The following CYP19A1 variants were observed in gnomAD, a reference collection of about 807,000 sequenced individuals.
CYP19A1 encodes the protein cytochrome P450 family 19 subfamily A member 1.
CYP19A1 carries 32 observed loss-of-function variants against 44.4 expected under a neutral mutation model. The observed-to-expected ratio is 0.72, with a 90% confidence interval of 0.54 to 0.97. The LOEUF (loss-of-function observed/expected upper bound fraction) is 0.97, where lower values mean the gene tolerates loss of function less well. Ranked by LOEUF, CYP19A1 falls within the 50% of genes least tolerant of loss-of-function variation. The pLI is 0.00. For synonymous variants in CYP19A1, 212 were observed against 215.6 expected (o/e 0.98, Z 0.14); for missense variants, 598 against 637.8 (o/e 0.94, Z 0.67).
At chr15:51,254,979 T>C (rs1352014785) in intron 1 of CYP19A1, among the ~76,000 whole-genome samples, 1 of 152,038 alleles carries the variant, frequency 6.6e-6, no homozygotes, top group Non-Finnish European at 1.5e-5. Context: ...ATGAGATGGA[T>C]CGAAGGGAGC....
intron 6 of CYP19A1, among the ~76,000 whole-genome samples, chr15:51,216,280 C>T (rs906834393): frequency 5.9e-5 from 9 of 152,124 alleles, no homozygotes; most frequent in Admixed American, 1.3e-4. Context: ...GAGACAAAGT[C>T]TCAATCTGTC....
chr15:51,251,527 G>A (rs558039162), intron 1 of CYP19A1, among the ~76,000 whole-genome samples: 35 of 152,276 alleles, frequency 2.3e-4, no homozygotes, highest in African/African-American at 8.2e-4. Context: ...TCTAGCTCCC[G>A]GGGGCTACCA....
intron 2 of CYP19A1, among the ~76,000 whole-genome samples, chr15:51,238,496 T>A (rs917506904): frequency 2.6e-5 from 4 of 152,028 alleles, no homozygotes; most frequent in Admixed American, 2.6e-4. Flanking sequence ...TTAAATGCCA[T>A]CCTTTTTTTT....
intron 1 of CYP19A1, among the ~76,000 whole-genome samples, chr15:51,332,056 T>C (rs955037422): frequency 2.6e-5 from 4 of 152,152 alleles, no homozygotes; most frequent in Non-Finnish European, 5.9e-5. Flanking sequence ...TAATAATACA[T>C]TGAATTTTAT....
chr15:51,269,983 TG>T (rs2035064380), intron 1 of CYP19A1, among the ~76,000 whole-genome samples: 1 of 150,078 alleles, frequency 6.7e-6, no homozygotes, highest in Non-Finnish European at 1.5e-5. Context: ...AAACACACAC[TG>T]AAATTCTACC....
intron 1 of CYP19A1, among the ~76,000 whole-genome samples, chr15:51,275,806 CTGAT>C (rs1423253469): frequency 1.3e-5 from 2 of 152,114 alleles, no homozygotes; most frequent in East Asian, 3.9e-4. Context: ...AAGTTCCTGC[CTGAT>C]TGTTTCCGTT....
chr15:51,244,192 A>G (rs2033945745), intron 1 of CYP19A1, among the ~76,000 whole-genome samples: 1 of 152,236 alleles, frequency 6.6e-6, no homozygotes, highest in Admixed American at 6.5e-5. Context: ...TCTAGTGGAG[A>G]AAGGCCATAA....
intron 1 of CYP19A1, among the ~76,000 whole-genome samples, chr15:51,306,939 C>T (rs1179134799): frequency 6.6e-6 from 1 of 151,982 alleles, no homozygotes; most frequent in East Asian, 1.9e-4. Context: ...TTGGGAAGAT[C>T]AGAAGGGTCT....
chr15:51,319,475 T>C (rs2141020467), intron 1 of CYP19A1, among the ~76,000 whole-genome samples: 1 of 152,348 alleles, frequency 6.6e-6, no homozygotes, highest in Non-Finnish European at 1.5e-5. Flanking sequence ...CACTGTAGCA[T>C]GATCAAAATA....
intron 1 of CYP19A1, among the ~76,000 whole-genome samples, chr15:51,247,465 T>TTA (rs1345856707): frequency 7.2e-6 from 1 of 139,548 alleles, no homozygotes; most frequent in South Asian, 2.5e-4. Flanking sequence ...TTATTTTTAT[T>TTA]TTTATTTATT....
At chr15:51,310,823 A>G (rs1227987078) in intron 1 of CYP19A1, among the ~76,000 whole-genome samples, 1 of 152,174 alleles carries the variant, frequency 6.6e-6, no homozygotes, top group Non-Finnish European at 1.5e-5. Flanking sequence ...CAGAGGAAAG[A>G]GGGGGAGAAA....
intron 1 of CYP19A1, among the ~76,000 whole-genome samples, chr15:51,261,394 T>C (rs555411905): frequency 6.6e-6 from 1 of 152,160 alleles, no homozygotes; most frequent in Non-Finnish European, 1.5e-5. Context: ...GCCAATGTCA[T>C]CCAAGACCTT....
intron 1 of CYP19A1, among the ~76,000 whole-genome samples, chr15:51,294,767 C>G (rs1300730825): frequency 6.6e-6 from 1 of 151,788 alleles, no homozygotes; most frequent in East Asian, 2.0e-4. Flanking sequence ...CCCGGCTGCC[C>G]CTACTGGGAA....
At chr15:51,320,019 AC>A (rs2036499518) in intron 1 of CYP19A1, among the ~76,000 whole-genome samples, 1 of 152,200 alleles carries the variant, frequency 6.6e-6, no homozygotes, top group Admixed American at 6.5e-5. Flanking sequence ...ATTAACTCTT[AC>A]TTTCTACAAC....
rs2036171292 is a variant in CYP19A1, at chr15:51,304,300, G to A, written c.-39+34195C>T. Among the ~76,000 whole-genome samples, 3 of 152,176 alleles carry A rather than the reference G, an allele frequency of 2.0e-5. No individual in the cohort carries two copies. In the South Asian group the frequency reaches 6.2e-4, roughly 32 times the overall value. On this transcript the variant is annotated intron_variant, in intron 1 of 9. Coordinates refer to ENST00000396402, the MANE Select transcript of CYP19A1 (RefSeq NM_000103.4). Reference sequence around the variant, plus strand: ...TGATACCCCTTATCTTGGGGGTGTTGTGGAAACCATTGCTTCCACCCCACT... The same window carrying A: ...TGATACCCCTTATCTTGGGGGTGTTATGGAAACCATTGCTTCCACCCCACT...
chr15:51,325,667 G>T (rs796393289), intron 1 of CYP19A1, among the ~76,000 whole-genome samples: 9 of 151,816 alleles, frequency 5.9e-5, no homozygotes, highest in East Asian at 1.9e-4. Context: ...GTGAAACCCC[G>T]TCTCTACTAA....
intron 8 of CYP19A1, 41 bp from the exon 9 acceptor site, chr15:51,212,602 T>C (rs2031134586): frequency 1.5e-6 from 2 of 1,314,802 alleles, no homozygotes; most frequent in Non-Finnish European, 2.2e-6. Context: ...GTAATGTTAG[T>C]TTCCATCTGT....
At chr15:51,229,235 A>G (rs931438770) in intron 3 of CYP19A1, among the ~76,000 whole-genome samples, 5 of 151,902 alleles carry the variant, frequency 3.3e-5, no homozygotes, top group African/African-American at 7.3e-5. Context: ...GTATAATAAT[A>G]TATAATATAT....
chr15:51,214,833 T>A (rs2031405063), intron 8 of CYP19A1, among the ~76,000 whole-genome samples: 1 of 152,196 alleles, frequency 6.6e-6, no homozygotes, highest in Non-Finnish European at 1.5e-5. Flanking sequence ...GCTTTACACA[T>A]CATTCTGTGA....
Sources: allele counts gnomAD v4.1 joint callset (sites outside exome capture counted in the v4.1 genomes callset), GRCh38; gene constraint gnomAD v4.1.1; transcripts MANE v1.5; gene names NCBI Gene and HGNC (gene_info 2026-07-23, HGNC 2026-07-21).